Variants in FRMD5 observed in about 807,000 individuals in gnomAD.
FRMD5 encodes the protein FERM domain-containing protein 5.
A neutral mutation model predicts 69.0 loss-of-function variants in FRMD5; 20 were observed. The observed-to-expected ratio is 0.29, with a 90% CI of 0.20 to 0.42. FRMD5 has a LOEUF of 0.42. FRMD5 is among the 10% of genes least tolerant of loss of function. The pLI, the probability that FRMD5 is intolerant of heterozygous loss-of-function variation, is 1.00. For missense variants in FRMD5, 595 were observed against 708.6 expected, an observed-to-expected ratio of 0.84 and a Z score of 1.82; for synonymous variants, 271 against 260.1, an observed-to-expected ratio of 1.04 and a Z score of -0.40.
rs1000286637 is a variant in FRMD5 at position 44,170,559 on chromosome 15, C to T, written c.102+24394G>A. The stretch of plus-strand genomic sequence containing the variant: ...AAAACTTTAAATATGTTTTCAGATA[C>T]CTTTTTGTACATGGAAAGAAATCCC... On this transcript the variant is annotated intron_variant, in intron 1 of 13. Coordinates refer to ENST00000417257, the MANE Select transcript of FRMD5 (RefSeq NM_032892.5). 2.6e-5 allele frequency among the ~76,000 whole-genome samples: 4 copies of T among 151,984 alleles called. No individual in the cohort carries two copies. In the East Asian group the frequency reaches 5.8e-4, roughly 22 times the overall value.
chr15:44,103,623 A>G (rs901512601), intron 1 of FRMD5, among the ~76,000 whole-genome samples: 15 of 152,204 alleles, frequency 9.9e-5, no homozygotes, highest in African/African-American at 3.6e-4. Context: ...TGCCATAATC[A>G]ACTTTAGAAC....
At chr15:44,052,009 T>C (rs1892689555) in intron 1 of FRMD5, among the ~76,000 whole-genome samples, 2 of 152,142 alleles carry the variant, frequency 1.3e-5, no homozygotes. Flanking sequence ...ATGTGCTCTA[T>C]TCTTTGGAAG....
chr15:44,151,274 G>A (rs2077442475), intron 1 of FRMD5, among the ~76,000 whole-genome samples: 1 of 151,644 alleles, frequency 6.6e-6, no homozygotes, highest in Admixed American at 6.6e-5. Context: ...GTGGGCGCCT[G>A]TAGTCCCAGC....
chr15:44,119,566 CTTATTT>C (rs1197155737), intron 1 of FRMD5, among the ~76,000 whole-genome samples: 1 of 152,020 alleles, frequency 6.6e-6, no homozygotes, highest in Non-Finnish European at 1.5e-5. Flanking sequence ...ATTTTAAACC[CTTATTT>C]TTATTTCCCA....
chr15:44,159,782 G>A (rs1001369608), intron 1 of FRMD5, among the ~76,000 whole-genome samples: 1 of 152,194 alleles, frequency 6.6e-6, no homozygotes, highest in Non-Finnish European at 1.5e-5. Context: ...TGTGGACTTT[G>A]TGCTGCTTCA....
At chr15:44,052,275 A>G (rs1209215746) in intron 1 of FRMD5, among the ~76,000 whole-genome samples, 1 of 152,118 alleles carries the variant, frequency 6.6e-6, no homozygotes, top group Non-Finnish European at 1.5e-5. Context: ...TTTTTCTGGC[A>G]TTGACCATTG....
chr15:44,017,327 G>C (rs372509899), intron 1 of FRMD5, among the ~76,000 whole-genome samples: 4 of 151,086 alleles, frequency 2.6e-5, no homozygotes, highest in African/African-American at 9.7e-5. Flanking sequence ...GAAAAAGCGA[G>C]ACTCTGTCTC....
chr15:43,995,375 G>C (rs536802814), intron 1 of FRMD5, among the ~76,000 whole-genome samples: 63 of 152,182 alleles, frequency 4.1e-4, no homozygotes, highest in Non-Finnish European at 1.5e-4. Flanking sequence ...AGCTACAAAG[G>C]GCTGAAGCCT....
intron 1 of FRMD5, among the ~76,000 whole-genome samples, chr15:44,057,385 C>T (rs969666652): frequency 1.3e-5 from 2 of 152,180 alleles, no homozygotes; most frequent in South Asian, 2.1e-4. Flanking sequence ...GGATTACTGG[C>T]GTGAGCCACC....
intron 1 of FRMD5, among the ~76,000 whole-genome samples, chr15:44,067,362 T>A (rs760891469): frequency 1.3e-5 from 2 of 152,156 alleles, no homozygotes; most frequent in African/African-American, 4.8e-5. Flanking sequence ...AAATAAAAAA[T>A]AGTTAAAATG....
chr15:43,921,939 G>C (rs1224639634), intron 2 of FRMD5, among the ~76,000 whole-genome samples: 1 of 152,186 alleles, frequency 6.6e-6, no homozygotes, highest in Non-Finnish European at 1.5e-5. Context: ...GCTGGGTTCA[G>C]ACTGTCTTGA....
At chr15:44,097,021 A>G (rs1290544477) in intron 1 of FRMD5, among the ~76,000 whole-genome samples, 1 of 152,232 alleles carries the variant, frequency 6.6e-6, no homozygotes, top group Non-Finnish European at 1.5e-5. Flanking sequence ...AAACACAAGT[A>G]GAGAATGGAT....
intron 1 of FRMD5, among the ~76,000 whole-genome samples, chr15:44,166,783 C>CAAAA (rs1006711939): frequency 8.3e-4 from 44 of 52,752 alleles, no homozygotes; most frequent in African/African-American, 1.6e-3. Context: ...GACCCTATCT[C>CAAAA]AAAAAAAAAA....
intron 1 of FRMD5, among the ~76,000 whole-genome samples, chr15:44,081,372 A>G (rs1359731390): frequency 5.9e-5 from 9 of 152,128 alleles, no homozygotes; most frequent in Admixed American, 4.6e-4. Flanking sequence ...TGTTACCACA[A>G]AGTTCTCTGT....
intron 1 of FRMD5, among the ~76,000 whole-genome samples, chr15:44,121,765 C>T (rs2076954998): frequency 6.6e-6 from 1 of 151,850 alleles, no homozygotes; most frequent in Non-Finnish European, 1.5e-5. Context: ...GAGGCTGAGA[C>T]AAATGGATCA....
chr15:44,058,305 A>G (rs1356031217), intron 1 of FRMD5, among the ~76,000 whole-genome samples: 2 of 152,222 alleles, frequency 1.3e-5, no homozygotes, highest in African/African-American at 4.8e-5. Context: ...GCAAATCTAT[A>G]GAGACAGAAA....
At chr15:44,093,356 A>C (rs977969693) in intron 1 of FRMD5, among the ~76,000 whole-genome samples, 6 of 152,002 alleles carry the variant, frequency 3.9e-5, no homozygotes, top group Non-Finnish European at 7.4e-5. Flanking sequence ...CAAAAAAAAA[A>C]CAACTTGATC....
chr15:43,990,825 T>C (rs896403073), intron 1 of FRMD5, among the ~76,000 whole-genome samples: 1 of 152,224 alleles, frequency 6.6e-6, no homozygotes. Context: ...AAAAGACAGT[T>C]GAAGTGGTAA....
At chr15:44,178,491 C>T (rs1465428478) in intron 1 of FRMD5, among the ~76,000 whole-genome samples, 2 of 152,104 alleles carry the variant, frequency 1.3e-5, no homozygotes, top group South Asian at 2.1e-4. Context: ...CTACGTATAC[C>T]GTCAAGTTTA....
Sources: gnomAD v4.1 joint callset for allele counts (sites outside exome capture counted in the v4.1 genomes callset) on GRCh38, gnomAD v4.1.1 for gene constraint, MANE v1.5 for transcripts, NCBI Gene and HGNC (gene_info 2026-07-23, HGNC 2026-07-21) for gene names.